The following CDH4 variants were observed in gnomAD, a reference collection of about 807,000 sequenced individuals.
The protein encoded by CDH4 is cadherin-4.
Under a neutral mutation model 86.0 loss-of-function variants are expected in CDH4, and 33 were observed. That is an observed-to-expected ratio of 0.38 (90% confidence interval 0.29 to 0.51). The LOEUF is 0.51. Among genes scored for constraint, CDH4 ranks in the 20% least tolerant of loss-of-function variants. CDH4 has a pLI of 0.86. For synonymous variants in CDH4, 555 were observed against 549.4 expected, an observed-to-expected ratio of 1.01 and a Z score of -0.14; for missense variants, 1,114 against 1,307.4, an observed-to-expected ratio of 0.85 and a Z score of 2.28.
intron 6 of CDH4, among the ~76,000 whole-genome samples, chr20:61,860,405 C>G (rs551080414): frequency 3.3e-4 from 51 of 152,340 alleles, no homozygotes; most frequent in Non-Finnish European, 5.9e-4. Flanking sequence ...ATCACAAATT[C>G]CAAATCAGCC....
chr20:61,933,220 C>A, intron 14 of CDH4, 96 bp downstream of exon 14: 1 of 1,466,810 alleles, frequency 6.8e-7, no homozygotes, highest in Non-Finnish European at 9.3e-7. Context: ...AACAGTAAGA[C>A]ATTTCAACCT....
At chr20:61,529,255 A>C (rs972333003) in intron 2 of CDH4, among the ~76,000 whole-genome samples, 2 of 152,302 alleles carry the variant, frequency 1.3e-5, no homozygotes, top group East Asian at 3.9e-4. Context: ...TGTTCCTCAT[A>C]TATTTTATAT....
chr20:61,485,375 C>T (rs1319257535), intron 2 of CDH4, among the ~76,000 whole-genome samples: 1 of 152,150 alleles, frequency 6.6e-6, no homozygotes, highest in East Asian at 1.9e-4. Flanking sequence ...TGAAAGCATC[C>T]CTGCGGAGGA....
At chr20:61,651,441 C>CTT (rs1568733929) in intron 2 of CDH4, among the ~76,000 whole-genome samples, 1 of 152,254 alleles carries the variant, frequency 6.6e-6, no homozygotes, top group Non-Finnish European at 1.5e-5. Flanking sequence ...CGCGGCGTTC[C>CTT]TCTCCTTCTG....
At chr20:61,434,074 A>C (rs2282017) in intron 2 of CDH4, among the ~76,000 whole-genome samples, 3 of 151,890 alleles carry the variant, frequency 2.0e-5, no homozygotes, top group East Asian at 1.9e-4. Flanking sequence ...ACCACTCTCC[A>C]CTGGCTTCGT....
At chr20:61,745,510 C>G (rs1458262642) in intron 3 of CDH4, among the ~76,000 whole-genome samples, 1 of 152,196 alleles carries the variant, frequency 6.6e-6, no homozygotes, top group Admixed American at 6.5e-5. Flanking sequence ...TGAGAGTCCT[C>G]CTGAGTGTGT....
chr20:61,678,088 A>G (rs1205992401), intron 2 of CDH4, among the ~76,000 whole-genome samples: 2 of 152,008 alleles, frequency 1.3e-5, no homozygotes, highest in South Asian at 2.1e-4. Flanking sequence ...CACATAACAT[A>G]TATTTTGGAT....
chr20:61,566,938 C>T (rs1468091197), intron 2 of CDH4, among the ~76,000 whole-genome samples: 3 of 152,152 alleles, frequency 2.0e-5, no homozygotes, highest in South Asian at 2.1e-4. Flanking sequence ...CTTCAGCACA[C>T]GGCTGTTGCC....
chr20:61,402,371 A>T (rs1364860404), intron 2 of CDH4, among the ~76,000 whole-genome samples: 2 of 151,510 alleles, frequency 1.3e-5, no homozygotes, highest in African/African-American at 4.9e-5. Context: ...AAAAGTCTGT[A>T]CATGTTCAGT....
intron 4 of CDH4, among the ~76,000 whole-genome samples, chr20:61,779,352 G>A (rs1873279354): frequency 6.6e-6 from 1 of 152,174 alleles, no homozygotes; most frequent in South Asian, 2.1e-4. Flanking sequence ...CCCTGCCAGA[G>A]GACAAGCTAG....
chr20:61,529,171 T>C (rs1410867859), intron 2 of CDH4, among the ~76,000 whole-genome samples: 2 of 152,220 alleles, frequency 1.3e-5, no homozygotes, highest in South Asian at 2.1e-4. Context: ...TCCTTTTTGA[T>C]TGTGTAAACT....
At chr20:61,921,581 G>A (rs1444959134) in intron 9 of CDH4, among the ~76,000 whole-genome samples, 5 of 152,176 alleles carry the variant, frequency 3.3e-5, no homozygotes, top group African/African-American at 7.2e-5. Context: ...GTGAAACCTC[G>A]TCTCTACTAA....
At chr20:61,399,644 G>A (rs993783960) in intron 2 of CDH4, among the ~76,000 whole-genome samples, 4 of 152,098 alleles carry the variant, frequency 2.6e-5, no homozygotes, top group Admixed American at 1.3e-4. Flanking sequence ...GCCGGGCCTC[G>A]CTGCAGGACT....
At chr20:61,647,158 C>T (rs538130474) in intron 2 of CDH4, among the ~76,000 whole-genome samples, 13 of 152,290 alleles carry the variant, frequency 8.5e-5, no homozygotes, top group African/African-American at 2.6e-4. Context: ...GCCAGTATAG[C>T]GCCAGGCACG....
chr20:61,511,590 T>C (rs2085780264), intron 2 of CDH4, among the ~76,000 whole-genome samples: 4 of 152,268 alleles, frequency 2.6e-5, no homozygotes, highest in Non-Finnish European at 5.9e-5. Context: ...AGTCTACTTA[T>C]AGCATTTTAC....
At chr20:61,930,105 C>T (rs1329410101) in intron 13 of CDH4, among the ~76,000 whole-genome samples, 2 of 152,246 alleles carry the variant, frequency 1.3e-5, no homozygotes, top group Non-Finnish European at 2.9e-5. Context: ...TCCACTCTGC[C>T]TCCCAGAGCC....
intron 2 of CDH4, among the ~76,000 whole-genome samples, chr20:61,297,900 G>A (rs991324071): frequency 4.6e-5 from 7 of 152,232 alleles, no homozygotes; most frequent in African/African-American, 1.4e-4. Flanking sequence ...AATGACAATC[G>A]GGCAGTGCTC....
intron 2 of CDH4, among the ~76,000 whole-genome samples, chr20:61,546,591 G>A (rs1270039192): frequency 6.6e-6 from 1 of 151,636 alleles, no homozygotes; most frequent in Admixed American, 6.6e-5. Context: ...CAGGGAGGGG[G>A]GTGTGTGTTT....
At chr20:61,905,114 G>A (rs571349940) in intron 8 of CDH4, among the ~76,000 whole-genome samples, 1 of 152,182 alleles carries the variant, frequency 6.6e-6, no homozygotes, top group Non-Finnish European at 1.5e-5. Context: ...ATTCCATTCC[G>A]ATGCTCTTAA....
Sources: allele counts gnomAD v4.1 joint callset (sites outside exome capture counted in the v4.1 genomes callset), GRCh38; gene constraint gnomAD v4.1.1; transcripts MANE v1.5; gene names NCBI Gene and HGNC (gene_info 2026-07-23, HGNC 2026-07-21).